Variants in ANKRD28 observed in about 807,000 individuals in gnomAD.
ANKRD28 encodes the protein serine/threonine-protein phosphatase 6 regulatory ankyrin repeat subunit A.
Under a neutral mutation model 126.5 loss-of-function variants are expected in ANKRD28, and 44 were observed. The observed-to-expected ratio is 0.35, with a 90% CI of 0.27 to 0.45. The LOEUF is 0.45. Among genes scored for constraint, ANKRD28 ranks in the 20% least tolerant of loss-of-function variants. The pLI is 1.00. For missense variants in ANKRD28, 1,110 were observed against 1,316.6 expected (o/e 0.84, Z 2.43); for synonymous variants, 442 against 468.5 (o/e 0.94, Z 0.73).
rs191068338 is a variant in ANKRD28, at chr3:15,829,200, C to A, written c.27+30177G>T. Among the ~76,000 whole-genome samples the A allele has an allele frequency of 4.4e-3, 663 of 152,038 alleles. 2 individuals carry two copies. Among genetic ancestry groups the A allele is most frequent in the Non-Finnish European group, 5.2e-3 (356 of 67,954 alleles). On this transcript the variant is annotated intron_variant, in intron 1 of 27. Transcript: ENST00000399451. ...TTTTTAATTTATTTACTAATATATCCACTACATACCAATATAAATAACTTT... is the reference window on the plus strand; with the variant it reads ...TTTTTAATTTATTTACTAATATATCAACTACATACCAATATAAATAACTTT...
chr3:15,668,416 T>C lies in ANKRD28; in HGVS notation c.*1854A>G, dbSNP rs1303673479. The C allele has an allele frequency of 6.6e-6, 1 of 152,398 alleles. No individual in the cohort carries two copies. Among genetic ancestry groups the C allele is most frequent in the Non-Finnish European group, 1.5e-5 (1 of 67,998 alleles). 9.4% of individuals were successfully genotyped at this position (152,398 alleles called of 1,614,324 possible). A position where few individuals can be genotyped will look rare whatever the true frequency, so the allele number is the denominator to read the frequency against. On this transcript the variant is annotated 3_prime_UTR_variant, in exon 28 of 28. Transcript: ENST00000683139. ...AGTCCACTGTCATTAAAATGCATAT[T>C]CACCTTCCTACTACTAATAATTAGG...
intron 2 of ANKRD28, among the ~76,000 whole-genome samples, chr3:15,788,024 A>C (rs2059859703): frequency 6.6e-6 from 1 of 152,202 alleles, no homozygotes; most frequent in African/African-American, 2.4e-5. Context: ...TTAGCTCTTA[A>C]ATCAGCTCTT....
At chr3:15,673,967 G>A (rs900378300) in intron 27 of ANKRD28, among the ~76,000 whole-genome samples, 3 of 151,920 alleles carry the variant, frequency 2.0e-5, no homozygotes, top group Non-Finnish European at 4.4e-5. Flanking sequence ...CTTGAGGCCA[G>A]GAGTTCAAGA....
intron 24 of ANKRD28, among the ~76,000 whole-genome samples, chr3:15,677,970 C>T (rs2067127958): frequency 1.3e-5 from 2 of 152,132 alleles, no homozygotes; most frequent in African/African-American, 4.8e-5. Context: ...GGCAATCCAA[C>T]TCCACAGCCA....
chr3:15,748,166 T>C (rs1441983619), intron 4 of ANKRD28, among the ~76,000 whole-genome samples: 3 of 152,234 alleles, frequency 2.0e-5, no homozygotes, highest in Non-Finnish European at 4.4e-5. Flanking sequence ...ATCCTTTAAG[T>C]AGAGCATTTA....
chr3:15,859,160 C>A (rs886510029), intron 1 of ANKRD28, among the ~76,000 whole-genome samples: 1 of 152,214 alleles, frequency 6.6e-6, no homozygotes, highest in East Asian at 1.9e-4. Flanking sequence ...GGCTAGACCC[C>A]CGTCGGCACG....
intron 13 of ANKRD28, among the ~76,000 whole-genome samples, chr3:15,709,274 G>A (rs954613200): frequency 2.0e-5 from 3 of 152,108 alleles, no homozygotes; most frequent in Non-Finnish European, 4.4e-5. Context: ...CAAGATATGG[G>A]CAGTAGAATC....
chr3:15,760,765 C>T (rs1053572456), intron 3 of ANKRD28, among the ~76,000 whole-genome samples: 2 of 152,054 alleles, frequency 1.3e-5, no homozygotes, highest in African/African-American at 4.8e-5. Flanking sequence ...CTAGAAATAA[C>T]AAAAAGTAGG....
At chr3:15,808,763 G>A (rs1009318596) in intron 1 of ANKRD28, among the ~76,000 whole-genome samples, 2 of 151,984 alleles carry the variant, frequency 1.3e-5, no homozygotes, top group African/African-American at 2.4e-5. Flanking sequence ...CCTTTTGTTT[G>A]TTTGTTTGTT....
intron 2 of ANKRD28, among the ~76,000 whole-genome samples, chr3:15,786,683 C>T (rs981425176): frequency 3.3e-5 from 5 of 152,028 alleles, no homozygotes; most frequent in Admixed American, 1.3e-4. Flanking sequence ...AACTTTCAGA[C>T]CAAAGTTACT....
At chr3:15,841,476 A>G (rs58025892) in intron 1 of ANKRD28, among the ~76,000 whole-genome samples, 6,206 of 152,260 alleles carry the variant, frequency 0.041, 414 homozygotes, top group African/African-American at 0.14. Context: ...GGAAATAATC[A>G]ACAAAGTGAA....
At chr3:15,676,088 G>T in intron 26 of ANKRD28, 99 bp from the exon 27 acceptor site, 1 of 946,992 alleles carries the variant, frequency 1.1e-6, no homozygotes, top group African/African-American at 1.6e-5. Flanking sequence ...AACTTGTGAA[G>T]ACCAAGAGGT....
intron 26 of ANKRD28, 22 bp from the exon 27 acceptor site, chr3:15,676,011 A>C: frequency 6.3e-7 from 1 of 1,588,476 alleles, no homozygotes; most frequent in Middle Eastern, 1.7e-4. Flanking sequence ...AACATGATAC[A>C]TGTACACATA....
At chr3:15,765,560 A>G (rs1469291927) in intron 3 of ANKRD28, among the ~76,000 whole-genome samples, 1 of 152,118 alleles carries the variant, frequency 6.6e-6, no homozygotes, top group Non-Finnish European at 1.5e-5. Context: ...TACCCTATGT[A>G]GGCGGGCATG....
intron 27 of ANKRD28, among the ~76,000 whole-genome samples, chr3:15,674,652 G>A (rs1230674639): frequency 6.6e-6 from 1 of 152,116 alleles, no homozygotes; most frequent in Non-Finnish European, 1.5e-5. Context: ...ACTGATGAGA[G>A]CACTAGGGAG....
intron 4 of ANKRD28, among the ~76,000 whole-genome samples, chr3:15,751,169 GA>G (rs1281454123): frequency 2.0e-5 from 3 of 152,042 alleles, no homozygotes; most frequent in African/African-American, 7.2e-5. Context: ...AAAGATATGA[GA>G]AATATAAAAA....
intron 14 of ANKRD28, among the ~76,000 whole-genome samples, chr3:15,704,223 G>A (rs1418596733): frequency 6.6e-6 from 1 of 152,022 alleles, no homozygotes; most frequent in African/African-American, 2.4e-5. Flanking sequence ...CACTTCAGAG[G>A]ACTTGCTGAA....
chr3:15,858,602 T>C (rs1359848187), intron 1 of ANKRD28, among the ~76,000 whole-genome samples: 1 of 152,226 alleles, frequency 6.6e-6, no homozygotes, highest in East Asian at 1.9e-4. Flanking sequence ...CTAGTAAGTG[T>C]CCTGCGACAA....
At chr3:15,788,990 T>C (rs1422187189) in intron 2 of ANKRD28, among the ~76,000 whole-genome samples, 3 of 152,254 alleles carry the variant, frequency 2.0e-5, no homozygotes, top group East Asian at 1.9e-4. Flanking sequence ...TATGAAAATC[T>C]AGGTCTTTCA....
Sources: gnomAD v4.1 joint callset for allele counts (sites outside exome capture counted in the v4.1 genomes callset) on GRCh38, gnomAD v4.1.1 for gene constraint, MANE v1.5 for transcripts, NCBI Gene and HGNC (gene_info 2026-07-23, HGNC 2026-07-21) for gene names.